TTLL1: variants seen among roughly 807,000 people sequenced by gnomAD.
TTLL1 encodes TTL family tubulin polyglutamylase complex subunit L1, also known as polyglutamylase complex subunit TTLL1.
In TTLL1, 33 loss-of-function variants were observed where a neutral mutation model predicts 47.8. That is an observed-to-expected ratio of 0.69 (90% CI 0.52 to 0.92). The LOEUF (loss-of-function observed/expected upper bound fraction) is 0.92. Ranked by LOEUF, TTLL1 falls within the 40% of genes least tolerant of loss-of-function variation. The pLI is 0.00. For missense variants in TTLL1, 488 were observed against 547.5 expected (o/e 0.89, Z 1.08); for synonymous variants, 225 against 214.1 (o/e 1.05, Z -0.45).
At chr22:43,081,122 G>A (rs1313471165) in intron 1 of TTLL1, among the ~76,000 whole-genome samples, 1 of 151,688 alleles carries the variant, frequency 6.6e-6, no homozygotes, top group Non-Finnish European at 1.5e-5. Flanking sequence ...CACCATGTTG[G>A]CCAGGCTGGT....
intron 1 of TTLL1, among the ~76,000 whole-genome samples, chr22:43,086,014 C>T (rs1929208056): frequency 6.6e-6 from 1 of 152,198 alleles, no homozygotes; most frequent in African/African-American, 2.4e-5. Context: ...CCGGGCCACG[C>T]CCCACAGTGT....
intron 1 of TTLL1, among the ~76,000 whole-genome samples, chr22:43,087,653 C>T (rs1239979213): frequency 6.6e-6 from 1 of 150,960 alleles, no homozygotes; most frequent in Non-Finnish European, 1.5e-5. Context: ...GCCTGGCCAA[C>T]ATGGTGAAAC....
chr22:43,076,347 T>G (rs1928486800), intron 2 of TTLL1, among the ~76,000 whole-genome samples: 1 of 152,020 alleles, frequency 6.6e-6, no homozygotes, highest in Non-Finnish European at 1.5e-5. Context: ...TCCCAACTAC[T>G]CGGGAGGTTG....
intron 2 of TTLL1, among the ~76,000 whole-genome samples, 185 bp downstream of exon 2, chr22:43,079,717 A>G (rs781126133): frequency 1.3e-5 from 2 of 152,214 alleles, no homozygotes; most frequent in Non-Finnish European, 2.9e-5. Context: ...CCAGGCCTCA[A>G]CGCTTTCAGG....
At chr22:43,054,726 T>TC (rs1871601166) in intron 8 of TTLL1, among the ~76,000 whole-genome samples, 2 of 143,384 alleles carry the variant, frequency 1.4e-5, no homozygotes, top group African/African-American at 5.2e-5. Context: ...ACCTGGCCTT[T>TC]TTTTTTTTTT....
At chr22:43,070,519 GT>G (rs1322232386) in intron 3 of TTLL1, among the ~76,000 whole-genome samples, 5 of 152,084 alleles carry the variant, frequency 3.3e-5, no homozygotes, top group African/African-American at 1.2e-4. Context: ...TGTGGTCCCT[GT>G]GCCCCCAGCC....
intron 7 of TTLL1, among the ~76,000 whole-genome samples, chr22:43,062,917 C>T (rs1927477688): frequency 6.6e-6 from 1 of 152,106 alleles, no homozygotes; most frequent in African/African-American, 2.4e-5. Context: ...CTTACAATAG[C>T]CTGAAGTTGG....
intron 5 of TTLL1, among the ~76,000 whole-genome samples, chr22:43,067,188 C>G (rs961388258): frequency 1.3e-5 from 2 of 152,158 alleles, no homozygotes; most frequent in Non-Finnish European, 2.9e-5. Context: ...GGGCTTGCCA[C>G]GAGGCCACTG....
At chr22:43,060,562 G>A (rs776274607) in intron 7 of TTLL1, among the ~76,000 whole-genome samples, 2 of 152,318 alleles carry the variant, frequency 1.3e-5, no homozygotes, top group East Asian at 1.9e-4. Context: ...TTGAGAAGAC[G>A]CCATTATCAT....
chr22:43,070,152 C>G (rs1489848384), intron 3 of TTLL1: 2 of 1,413,612 alleles, frequency 1.4e-6, no homozygotes. Flanking sequence ...ATAACACTGT[C>G]AACAAATAAA....
intron 3 of TTLL1, among the ~76,000 whole-genome samples, chr22:43,074,427 CAAA>C (rs61701643): frequency 2.6e-4 from 22 of 85,716 alleles, no homozygotes; most frequent in East Asian, 1.4e-3. Flanking sequence ...AATTTCGTCT[CAAA>C]AAAAAAAAAA....
At chr22:43,053,765 A>C (rs567272954) in intron 8 of TTLL1, among the ~76,000 whole-genome samples, 2 of 152,362 alleles carry the variant, frequency 1.3e-5, no homozygotes, top group African/African-American at 4.8e-5. Context: ...AGAGCCTTAG[A>C]AATCTATCAT....
At chr22:43,054,771 G>A (rs998308265) in intron 8 of TTLL1, among the ~76,000 whole-genome samples, 4 of 146,150 alleles carry the variant, frequency 2.7e-5, no homozygotes, top group Admixed American at 2.1e-4. Flanking sequence ...TGTGGCCCAG[G>A]CTGGAGTGCA....
At chr22:43,048,556 C>T (rs1175652437) in intron 9 of TTLL1, among the ~76,000 whole-genome samples, 4 of 151,290 alleles carry the variant, frequency 2.6e-5, no homozygotes, top group Admixed American at 2.0e-4. Context: ...AGAAGGATCA[C>T]TTGAGCCCAG....
At chr22:43,074,547 A>G (rs1034027028) in intron 3 of TTLL1, among the ~76,000 whole-genome samples, 1 of 151,988 alleles carries the variant, frequency 6.6e-6, no homozygotes, top group African/African-American at 2.4e-5. Flanking sequence ...TGTTGTTGAG[A>G]ATAGCTCCGA....
chr22:43,083,025 A>AAATAATAAT (rs34036244), intron 1 of TTLL1, among the ~76,000 whole-genome samples: 6 of 148,282 alleles, frequency 4.0e-5, no homozygotes, highest in Non-Finnish European at 7.5e-5. Context: ...AAAAATAATA[A>AAATAATAAT]AATAATAATA....
intron 4 of TTLL1, 136 bp downstream of exon 4, chr22:43,069,500 A>C: frequency 6.8e-7 from 1 of 1,467,086 alleles, no homozygotes; most frequent in Non-Finnish European, 9.1e-7. Context: ...GACACCTGAA[A>C]TGAAACAGGT....
At position 43,063,900 on chromosome 22, in the gene TTLL1, C is replaced by G; in HGVS notation, c.660G>C (p.Arg220=). 6.2e-7 allele frequency: 1 copy of G among 1,614,136 alleles called. No individual in the cohort carries two copies. ...RCYMYKLGFC[R]FCTVKYTPST... ...TCGGGGTGTATTTCACTGTGCAGAA[C>G]CGGCAAAACCCAAGCTTGTACCTAG... The change falls in exon 7 of 11, where the codon CGG becomes CGC. Residue 220 remains arginine (R), a synonymous_variant. Coordinates refer to ENST00000266254, the MANE Select transcript of TTLL1 (RefSeq NM_012263.5).
chr22:43,085,421 T>C (rs188676938), intron 1 of TTLL1, among the ~76,000 whole-genome samples: 18 of 152,326 alleles, frequency 1.2e-4, no homozygotes, highest in African/African-American at 4.1e-4. Flanking sequence ...TCAACTTGAC[T>C]TGTAATAATC....
Sources: gnomAD v4.1 joint callset for allele counts (sites outside exome capture counted in the v4.1 genomes callset) on GRCh38, gnomAD v4.1.1 for gene constraint, MANE v1.5 for transcripts, NCBI Gene and HGNC (gene_info 2026-07-23, HGNC 2026-07-21) for gene names.